DACH2: variants seen among roughly 807,000 people sequenced by gnomAD.
DACH2 encodes the protein dachshund family transcription factor 2, also known as dachshund homolog 2.
DACH2 carries 17 observed loss-of-function variants against 35.8 expected under a neutral mutation model. The observed-to-expected ratio is 0.48, with a 90% CI of 0.33 to 0.71. DACH2 has a LOEUF of 0.71. Ranked by LOEUF, DACH2 falls within the 30% of genes least tolerant of loss-of-function variation. The probability of loss-of-function intolerance (pLI) is 0.02; values close to 1 mark genes in which losing one functional copy is unlikely to be tolerated. For synonymous variants in DACH2, 195 were observed against 177.3 expected, an observed-to-expected ratio of 1.10 and a Z score of -0.79; for missense variants, 469 against 472.7, an observed-to-expected ratio of 0.99 and a Z score of 0.07.
intron 1 of DACH2, among the ~76,000 whole-genome samples, chrX:86,164,135 G>A (rs758232071): frequency 1.8e-5 from 2 of 111,384 alleles, no homozygotes; most frequent in African/African-American, 6.5e-5. Context: ...CATTCTGACT[G>A]GTGTGAGATG....
chrX:86,623,785 C>T (rs1434037129), intron 3 of DACH2, among the ~76,000 whole-genome samples: 1 of 98,391 alleles, frequency 1.0e-5, no homozygotes, highest in Non-Finnish European at 2.1e-5. Flanking sequence ...CGCGGTGGCT[C>T]ACGCCTGTAA....
intron 2 of DACH2, among the ~76,000 whole-genome samples, chrX:86,465,898 C>T (rs1330065248): frequency 1.8e-5 from 2 of 111,775 alleles, no homozygotes; most frequent in African/African-American, 3.3e-5. Context: ...GTGTTCAAGA[C>T]TATGCTATGT....
intron 3 of DACH2, among the ~76,000 whole-genome samples, chrX:86,632,104 T>G (rs749301518): frequency 2.7e-5 from 3 of 111,924 alleles, no homozygotes; most frequent in African/African-American, 9.7e-5. Context: ...CAATTTCTCC[T>G]TTATTCTGGT....
At chrX:86,739,308 A>G (rs1369385602) in intron 6 of DACH2, among the ~76,000 whole-genome samples, 1 of 111,588 alleles carries the variant, frequency 9.0e-6, no homozygotes. Flanking sequence ...AGGTGCCACA[A>G]TTTGTGAGTT....
intron 11 of DACH2, chrX:86,827,626 T>G (rs750801606): frequency 2.1e-6 from 1 of 478,749 alleles, no homozygotes; most frequent in Non-Finnish European, 3.7e-6. Flanking sequence ...GCGAGAGATA[T>G]ATTCAAATCT....
chrX:86,711,852 A>G (rs2041283188), intron 5 of DACH2, among the ~76,000 whole-genome samples: 2 of 112,082 alleles, frequency 1.8e-5, no homozygotes, highest in Admixed American at 1.9e-4. Context: ...AAAACTGCCA[A>G]TGGGCTGTTA....
At chrX:86,459,032 A>T (rs2037523092) in intron 2 of DACH2, among the ~76,000 whole-genome samples, 1 of 111,815 alleles carries the variant, frequency 8.9e-6, no homozygotes, top group South Asian at 3.7e-4. Context: ...AAACTTATTA[A>T]ATTTTAAAGA....
chrX:86,252,866 C>T (rs1226211634), intron 1 of DACH2, among the ~76,000 whole-genome samples: 1 of 110,642 alleles, frequency 9.0e-6, no homozygotes, highest in East Asian at 2.8e-4. Flanking sequence ...ATTGTTTTCT[C>T]TAGTTCTTTT....
rs746315465 is a variant in DACH2, at chrX:86,723,048, C to A, written c.1104+8328C>A. Reference sequence around the variant, plus strand: ...GTTTTATATTTCTTCTTGGTTCAATCTTGAGAAAATGTAAGTTTCTAGGAA... The same window carrying A: ...GTTTTATATTTCTTCTTGGTTCAATATTGAGAAAATGTAAGTTTCTAGGAA... On this transcript the variant is annotated intron_variant, in intron 6 of 11. Coordinates refer to ENST00000373125, the MANE Select transcript of DACH2 (RefSeq NM_053281.3). 2.7e-5 allele frequency among the ~76,000 whole-genome samples: 3 copies of A among 111,992 alleles called. No individual in the cohort carries two copies. The East Asian group carries it at 8.5e-4, about 32-fold the overall frequency.
chrX:86,226,321 C>G (rs1018709048), intron 1 of DACH2, among the ~76,000 whole-genome samples: 9 of 111,286 alleles, frequency 8.1e-5, no homozygotes, highest in Admixed American at 2.9e-4. Context: ...TGGAAGCTTG[C>G]AGCTATCAAT....
At chrX:86,528,814 T>C (rs1463192342) in intron 3 of DACH2, among the ~76,000 whole-genome samples, 1 of 112,510 alleles carries the variant, frequency 8.9e-6, no homozygotes, top group Non-Finnish European at 1.9e-5. Context: ...TTTTAAAATA[T>C]ATTATACTTG....
chrX:86,473,381 C>T (rs2037790750), intron 2 of DACH2, among the ~76,000 whole-genome samples: 1 of 110,853 alleles, frequency 9.0e-6, no homozygotes, highest in Admixed American at 9.6e-5. Context: ...CAACTGAACT[C>T]TTTTGATTTT....
In DACH2 at chrX:86,460,708, CACA is replaced by C. The variant is rs2037557106; in HGVS notation, c.528-53566_528-53564del. ...AAGACTATAAATTTTTTCAAGAAAT[CACA>C]ACAAGGGAAATAGCCTATATTTGGC... On this transcript the variant is annotated intron_variant, in intron 2 of 11. Transcript: ENST00000373125. Among the ~76,000 whole-genome samples the C allele has an allele frequency of 2.7e-5, 3 of 110,535 alleles. No homozygotes were observed. The Admixed American group carries it at 2.9e-4, about 11-fold the overall frequency.
At chrX:86,431,345 T>A (rs2148170987) in intron 2 of DACH2, among the ~76,000 whole-genome samples, 1 of 111,954 alleles carries the variant, frequency 8.9e-6, no homozygotes, top group African/African-American at 3.2e-5. Context: ...GATAATTTTT[T>A]AAAGAGGGAA....
At chrX:86,190,067 G>T (rs980556765) in intron 1 of DACH2, among the ~76,000 whole-genome samples, 1 of 109,246 alleles carries the variant, frequency 9.2e-6, no homozygotes, top group African/African-American at 3.3e-5. Context: ...GGGAGGTTGA[G>T]GCATGAAAAT....
intron 1 of DACH2, among the ~76,000 whole-genome samples, chrX:86,341,787 CG>C (rs774538996): frequency 4.4e-4 from 49 of 111,876 alleles, no homozygotes; most frequent in Non-Finnish European, 4.0e-4. Context: ...TTCCAGCCCT[CG>C]GGGATGACTG....
chrX:86,616,516 T>A (rs1471664164), intron 3 of DACH2, among the ~76,000 whole-genome samples: 5 of 112,137 alleles, frequency 4.5e-5, no homozygotes, highest in Non-Finnish European at 9.4e-5. Context: ...TCTTTAATGA[T>A]GAGTGATACT....
rs113648810 is a variant in DACH2, at chrX:86,252,334, C to T, written c.488+103226C>T. Among the ~76,000 whole-genome samples the T allele has an allele frequency of 8.6e-3, 957 of 111,372 alleles. 5 individuals carry two copies. Among genetic ancestry groups the T allele is most frequent in the African/African-American group, 0.03 (910 of 30,680 alleles). Reference sequence around the variant, plus strand: ...GACTGCTTCTTTTGCTATGCAGAAGCTCCTTAGTCTAATTAAGTCCCATAT... The same window carrying T: ...GACTGCTTCTTTTGCTATGCAGAAGTTCCTTAGTCTAATTAAGTCCCATAT... On this transcript the variant is annotated intron_variant, in intron 1 of 11. Coordinates refer to ENST00000373125, the MANE Select transcript of DACH2 (RefSeq NM_053281.3).
intron 4 of DACH2, among the ~76,000 whole-genome samples, chrX:86,659,023 T>C (rs1053014526): frequency 9.0e-6 from 1 of 111,370 alleles, no homozygotes; most frequent in Non-Finnish European, 1.9e-5. Flanking sequence ...AAAGTGTATA[T>C]GGTTGATTAA....
Sources: allele counts gnomAD v4.1 joint callset (sites outside exome capture counted in the v4.1 genomes callset), GRCh38; gene constraint gnomAD v4.1.1; transcripts MANE v1.5; gene names NCBI Gene and HGNC (gene_info 2026-07-23, HGNC 2026-07-21).